NTSR2: variants seen among roughly 807,000 people sequenced by gnomAD.
The protein encoded by NTSR2 is neurotensin receptor 2.
Under a neutral mutation model 24.1 loss-of-function variants are expected in NTSR2, and 22 were observed. That is an observed-to-expected ratio of 0.91 (90% CI 0.65 to 1.30). NTSR2 has a LOEUF of 1.30. Ranked by LOEUF, NTSR2 falls within the 50% of genes most tolerant of loss-of-function variation. The probability of loss-of-function intolerance (pLI) is 0.00; values close to 1 mark genes in which losing one functional copy is unlikely to be tolerated. For missense variants in NTSR2, 570 were observed against 570.4 expected, an observed-to-expected ratio of 1.00 and a Z score of 0.01; for synonymous variants, 291 against 267.0, an observed-to-expected ratio of 1.09 and a Z score of -0.88.
intron 1 of NTSR2, 47 bp downstream of exon 1, chr2:11,669,459 C>CGGGGGGCGGGGG: frequency 3.0e-6 from 1 of 337,896 alleles, no homozygotes; most frequent in Non-Finnish European, 5.3e-6. Flanking sequence ...CTCCCAGCAC[C>CGGGGGGCGGGGG]GCCCCCCCAC....
Position 11,669,742 on chromosome 2 carries a change from T to G in NTSR2, c.388A>C (p.Ser130Arg). The G allele has an allele frequency of 6.5e-7, 1 of 1,534,636 alleles. No homozygotes were observed. The highest frequency in any genetic ancestry group is 1.2e-5 in the South Asian group (1 of 83,824). Residue 130 changes from serine (S) to arginine (R), a missense_variant, in exon 1 of 4, where the codon AGC becomes CGC. Coordinates refer to ENST00000306928, the MANE Select transcript of NTSR2 (RefSeq NM_012344.4). ...CACACGGCTAGGCAGCGCTCGGCGC[T>G]CAGGCCTGCCACGCTCAGCACCGTG... ...YATVLSVAGL[S>R]AERCLAVCQP...
chr2:11,666,378 C>CA (rs1661199539), intron 1 of NTSR2, among the ~76,000 whole-genome samples: 1 of 148,832 alleles, frequency 6.7e-6, no homozygotes, highest in Non-Finnish European at 1.5e-5. Context: ...GTTTTCAAAG[C>CA]AAAAAATAAA....
chr2:11,666,875 G>A (rs947224826), intron 1 of NTSR2, among the ~76,000 whole-genome samples: 1 of 152,192 alleles, frequency 6.6e-6, no homozygotes, highest in Non-Finnish European at 1.5e-5. Context: ...CCCTGATTCT[G>A]CTTCCTGTGA....
At chr2:11,658,860 G>T in intron 3 of NTSR2, 138 bp from the exon 4 acceptor site, 1 of 974,990 alleles carries the variant, frequency 1.0e-6, no homozygotes, top group Non-Finnish European at 1.5e-6. Flanking sequence ...CAGTGTTTTT[G>T]TTTGTTTGTT....
At chr2:11,663,659 A>G (rs761748733) in intron 1 of NTSR2, among the ~76,000 whole-genome samples, 1 of 152,214 alleles carries the variant, frequency 6.6e-6, no homozygotes, top group Non-Finnish European at 1.5e-5. Flanking sequence ...CTGAACATAA[A>G]TTTAACCCAG....
In NTSR2 at chr2:11,661,966, CTG is replaced by C. The variant is rs1403930863; in HGVS notation, c.897_898del (p.Arg300SerfsTer25). On this transcript the variant is annotated frameshift_variant and splice_region_variant, in exon 2 of 4. Coordinates refer to ENST00000306928, the MANE Select transcript of NTSR2 (RefSeq NM_012344.4). LOFTEE classifies it high-confidence loss of function. ...TGGGGTGATGTTACAGAGGACTTAA[CTG>C]AGAACCTGGACGCTGCGCTGGAGGC... 1 of 1,577,132 alleles carries C rather than the reference CTG, an allele frequency of 6.3e-7. No individual in the cohort carries two copies. The highest frequency in any genetic ancestry group is 2.3e-5 in the East Asian group (1 of 43,706).
Position 11,668,492 on chromosome 2 carries a change from A to AC in NTSR2, c.624+1013dup, listed in dbSNP as rs552093960. Among the ~76,000 whole-genome samples, 239 of 152,186 alleles carry AC rather than the reference A, an allele frequency of 1.6e-3. 2 individuals are homozygous for AC. Among genetic ancestry groups the AC allele is most frequent in the Middle Eastern group, 6.8e-3 (2 of 294 alleles). ...GACGAGTCCCCTAAGCAGCCTCTGCACCCTCCATGTGCCCTGATGAATTCA... is the reference window on the plus strand; with the variant it reads ...GACGAGTCCCCTAAGCAGCCTCTGCACCCCTCCATGTGCCCTGATGAATTCA... On this transcript the variant is annotated intron_variant, in intron 1 of 3. Transcript: ENST00000306928.
rs1232996233 is a variant in NTSR2 at position 11,669,710 on chromosome 2, G to T, written c.420C>A (p.Pro140=). Residue 140 remains proline (P), a synonymous_variant, in exon 1 of 4, where the codon CCC becomes CCA. Transcript: ENST00000306928. ...SAERCLAVCQ[P]LRARSLLTPR... is the part of the protein sequence containing the mutation. ...GCGTCAGCAGGCTGCGGGCACGCAG[G>T]GGCTGGCACACGGCTAGGCAGCGCT... is the stretch of plus-strand genomic sequence containing the variant. 5.2e-6 allele frequency: 8 copies of T among 1,529,738 alleles called. No individual in the cohort carries two copies. In the South Asian group the frequency reaches 6.0e-5, roughly 11 times the overall value. The allele number at this position is 1,529,738 out of a possible 1,614,324, so 94.8% of individuals were successfully genotyped here.
At chr2:11,663,710 G>A (rs1294907666) in intron 1 of NTSR2, among the ~76,000 whole-genome samples, 3 of 152,210 alleles carry the variant, frequency 2.0e-5, no homozygotes, top group Non-Finnish European at 4.4e-5. Context: ...TGGGGCCAGT[G>A]TGTGTTGAGG....
intron 1 of NTSR2, among the ~76,000 whole-genome samples, chr2:11,667,763 C>T (rs1175033019): frequency 6.6e-6 from 1 of 152,240 alleles, no homozygotes; most frequent in Non-Finnish European, 1.5e-5. Flanking sequence ...AGATCCCACC[C>T]TCCATACTCC....
intron 2 of NTSR2, 24 bp from the exon 3 acceptor site, chr2:11,660,157 GAC>G: frequency 6.3e-7 from 1 of 1,584,140 alleles, no homozygotes; most frequent in Non-Finnish European, 8.7e-7. Flanking sequence ...GAAAGGGAGA[GAC>G]AGCGCCAGGA....
chr2:11,661,973 C>G lies in NTSR2; in HGVS notation c.892G>C (p.Val298Leu). 6.3e-7 allele frequency: 1 copy of G among 1,588,566 alleles called. No individual in the cohort carries two copies. Among genetic ancestry groups the G allele is most frequent in the Non-Finnish European group, 8.6e-7 (1 of 1,167,110 alleles). The part of the protein sequence containing the change: ...RIRSLQRSVQ[V>L]LRAIVVMYVI... ...ATGTTACAGAGGACTTAACTGAGAA[C>G]CTGGACGCTGCGCTGGAGGCTGCGG... The change falls in exon 2 of 4, where the codon GTT (valine) becomes CTT (leucine). Residue 298 changes from valine (V) to leucine (L), a missense_variant. By Grantham distance (32) the Val-to-Leu change is conservative. Coordinates refer to ENST00000306928, the MANE Select transcript of NTSR2 (RefSeq NM_012344.4).
Position 11,670,077 on chromosome 2 carries a change from C to A in NTSR2, c.53G>T (p.Ser18Ile). ...PPRPSSNPGL[S>I]LDARLGVDTR... is the part of the protein sequence containing the mutation. ...GTCCACGCCCAGCCGGGCGTCCAGG[C>A]TCAGCCCCGGGTTGGAGCTGGGCCG... Residue 18 changes from serine to isoleucine, a missense_variant, in exon 1 of 4, where the codon AGC (serine) becomes ATC (isoleucine). By Grantham distance (142) the Ser-to-Ile change is moderately radical (BLOSUM62 -2). Coordinates refer to ENST00000306928, the MANE Select transcript of NTSR2 (RefSeq NM_012344.4). 6 of 1,451,846 alleles carry A rather than the reference C, an allele frequency of 4.1e-6. No individual in the cohort carries two copies. Among genetic ancestry groups the A allele is most frequent in the Non-Finnish European group, 5.4e-6 (6 of 1,110,664 alleles). 89.9% of individuals were successfully genotyped at this position (1,451,846 alleles called of 1,614,324 possible).
Position 11,669,763 on chromosome 2 carries a change from C to G in NTSR2, c.367G>C (p.Val123Leu), listed in dbSNP as rs898806562. 6.5e-6 allele frequency: 10 copies of G among 1,542,534 alleles called. No individual in the cohort carries two copies. Among genetic ancestry groups the G allele is most frequent in the Non-Finnish European group, 8.7e-6 (10 of 1,150,682 alleles). ...FVHELCAYAT[V>L]LSVAGLSAER... ...GCGCTCAGGCCTGCCACGCTCAGCA[C>G]CGTGGCGTAGGCGCACAGCTCGTGC... Residue 123 changes from valine to leucine, a missense_variant, in exon 1 of 4, where the codon GTG becomes CTG. Physicochemically the swap from Val to Leu is conservative, Grantham distance 32 (BLOSUM62 1). Coordinates refer to ENST00000306928, the MANE Select transcript of NTSR2 (RefSeq NM_012344.4).
At chr2:11,660,585 A>T (rs1010181205) in intron 2 of NTSR2, among the ~76,000 whole-genome samples, 2 of 152,054 alleles carry the variant, frequency 1.3e-5, no homozygotes, top group Non-Finnish European at 2.9e-5. Flanking sequence ...GGCTAACAGG[A>T]CAAAAATTAG....
rs1298642862 is a variant in NTSR2 at position 11,669,939 on chromosome 2, C to A, written c.191G>T (p.Arg64Leu). Residue 64 changes from arginine (R) to leucine (L), a missense_variant, in exon 1 of 4, where the codon CGC (arginine) becomes CTC (leucine). By Grantham distance (102) the Arg-to-Leu change is moderately radical. Coordinates refer to ENST00000306928, the MANE Select transcript of NTSR2 (RefSeq NM_012344.4). ...AHVVLKARAG[R>L]AGRLRHHVLS... is the part of the protein sequence containing the mutation. ...CACGTGGTGGCGCAGGCGCCCCGCG[C>A]GCCCGGCCCGCGCCTTCAGCACCAC... is the stretch of plus-strand genomic sequence containing the variant. 28 of 1,514,002 alleles carry A rather than the reference C, an allele frequency of 1.8e-5. No individual in the cohort carries two copies. The highest frequency in any genetic ancestry group is 2.4e-5 in the Non-Finnish European group (27 of 1,137,922). The allele number at this position is 1,514,002 out of a possible 1,614,324, so 93.8% of individuals were successfully genotyped here.
At chr2:11,658,823 A>G in intron 3 of NTSR2, 101 bp from the exon 4 acceptor site, 1 of 1,363,136 alleles carries the variant, frequency 7.3e-7, no homozygotes, top group East Asian at 2.3e-5. Flanking sequence ...CTGCATGACG[A>G]AGCCTATTTT....
intron 1 of NTSR2, among the ~76,000 whole-genome samples, chr2:11,667,782 G>A (rs371000150): frequency 3.3e-4 from 50 of 152,276 alleles, no homozygotes; most frequent in African/African-American, 1.1e-3. Flanking sequence ...CCACATCCAC[G>A]GGAGACCTGT....
intron 1 of NTSR2, among the ~76,000 whole-genome samples, chr2:11,667,620 C>T (rs1029686276): frequency 8.5e-5 from 13 of 152,224 alleles, no homozygotes; most frequent in African/African-American, 3.1e-4. Context: ...GCTGAGATTA[C>T]AGGCTTGAGC....
Sources: gnomAD v4.1 joint callset for allele counts (sites outside exome capture counted in the v4.1 genomes callset) on GRCh38, gnomAD v4.1.1 for gene constraint, MANE v1.5 for transcripts, NCBI Gene and HGNC (gene_info 2026-07-23, HGNC 2026-07-21) for gene names.